Variants in AKT3 observed in about 807,000 individuals in gnomAD.
The protein encoded by AKT3 is AKT serine/threonine kinase 3.
A neutral mutation model predicts 65.3 loss-of-function variants in AKT3; 15 were observed. That is an observed-to-expected ratio of 0.23 (90% CI 0.15 to 0.35). The LOEUF is 0.35. AKT3 is among the 10% of genes least tolerant of loss of function. The pLI is 1.00. For missense variants in AKT3, 243 were observed against 576.5 expected, an observed-to-expected ratio of 0.42 and a Z score of 5.92; for synonymous variants, 206 against 183.8, an observed-to-expected ratio of 1.12 and a Z score of -0.98.
chr1:243,620,937 T>C (rs1399072846), intron 6 of AKT3, among the ~76,000 whole-genome samples: 1 of 152,108 alleles, frequency 6.6e-6, no homozygotes, highest in Non-Finnish European at 1.5e-5. Flanking sequence ...TCTACCCTCT[T>C]AACTCTATAT....
intron 12 of AKT3, among the ~76,000 whole-genome samples, chr1:243,529,989 T>C (rs1388691162): frequency 6.6e-6 from 1 of 152,218 alleles, no homozygotes; most frequent in African/African-American, 2.4e-5. Context: ...CAGTGTTATG[T>C]AGTTCTCATT....
chr1:243,584,168 G>A (rs1409554577), intron 8 of AKT3, among the ~76,000 whole-genome samples: 1 of 151,958 alleles, frequency 6.6e-6, no homozygotes, highest in Non-Finnish European at 1.5e-5. Flanking sequence ...AATACGAAAG[G>A]TCCTCAGAGG....
At chr1:243,651,959 A>G (rs1235516017) in intron 4 of AKT3, among the ~76,000 whole-genome samples, 4 of 152,172 alleles carry the variant, frequency 2.6e-5, no homozygotes, top group African/African-American at 9.7e-5. Flanking sequence ...AGGGAAGCTC[A>G]TCAGACTAAC....
chr1:243,725,015 C>G (rs763420957), intron 2 of AKT3, among the ~76,000 whole-genome samples: 56 of 148,038 alleles, frequency 3.8e-4, no homozygotes, highest in Non-Finnish European at 4.3e-4. Flanking sequence ...CCAGCCTCGG[C>G]AACATAGCAA....
At chr1:243,628,082 G>C (rs1679314727) in intron 6 of AKT3, among the ~76,000 whole-genome samples, 1 of 152,198 alleles carries the variant, frequency 6.6e-6, no homozygotes, top group African/African-American at 2.4e-5. Flanking sequence ...AGAAAGTATA[G>C]AACACATCAT....
At chr1:243,796,776 A>G (rs530983973) in intron 2 of AKT3, among the ~76,000 whole-genome samples, 1 of 152,214 alleles carries the variant, frequency 6.6e-6, no homozygotes, top group South Asian at 2.1e-4. Flanking sequence ...TGGTACATCC[A>G]TATTATGGAG....
At chr1:243,609,483 C>A (rs1677704304) in intron 8 of AKT3, among the ~76,000 whole-genome samples, 1 of 152,116 alleles carries the variant, frequency 6.6e-6, no homozygotes, top group African/African-American at 2.4e-5. Context: ...CATGGCCAAA[C>A]CCCGTTTCTA....
intron 5 of AKT3, among the ~76,000 whole-genome samples, chr1:243,645,139 A>G (rs1680707515): frequency 6.6e-6 from 1 of 152,186 alleles, no homozygotes; most frequent in African/African-American, 2.4e-5. Flanking sequence ...CTGTGCTAAT[A>G]CCAAATTTCA....
At chr1:243,774,885 C>T (rs889943782) in intron 2 of AKT3, among the ~76,000 whole-genome samples, 1 of 152,128 alleles carries the variant, frequency 6.6e-6, no homozygotes, top group South Asian at 2.1e-4. Context: ...ATTATTGAGA[C>T]AGGGTCTTGC....
intron 8 of AKT3, among the ~76,000 whole-genome samples, chr1:243,581,384 C>T (rs1675336451): frequency 6.6e-6 from 1 of 152,184 alleles, no homozygotes; most frequent in Admixed American, 6.5e-5. Context: ...CTGCAGTTAG[C>T]TCTTACCTCT....
At chr1:243,538,318 T>C (rs1025707663) in intron 12 of AKT3, among the ~76,000 whole-genome samples, 1 of 146,834 alleles carries the variant, frequency 6.8e-6, no homozygotes, top group Non-Finnish European at 1.5e-5. Context: ...AAGAAGACAA[T>C]AGCAGTGATA....
chr1:243,621,744 T>C (rs1367934391), intron 6 of AKT3, among the ~76,000 whole-genome samples: 1 of 152,182 alleles, frequency 6.6e-6, no homozygotes. Context: ...AACTTCAATG[T>C]AGTGAATGGC....
At chr1:243,512,544 G>A in intron 12 of AKT3, 118 bp from the exon 13 acceptor site, 1 of 655,036 alleles carries the variant, frequency 1.5e-6, no homozygotes, top group Admixed American at 3.4e-5. Flanking sequence ...ACAATGCTGA[G>A]TCGCTGGGTA....
intron 2 of AKT3, among the ~76,000 whole-genome samples, chr1:243,716,142 A>C (rs1686500414): frequency 6.6e-6 from 1 of 152,140 alleles, no homozygotes; most frequent in Non-Finnish European, 1.5e-5. Flanking sequence ...TTTAAGAAGA[A>C]TTCTTCTTCA....
intron 8 of AKT3, chr1:243,612,874 A>G (rs1430456521): frequency 6.6e-6 from 1 of 151,580 alleles, no homozygotes; most frequent in African/African-American, 2.4e-5. Flanking sequence ...CCCCATCTCT[A>G]CTAAAAATAC....
At chr1:243,494,322 A>G (rs184981089) in intron 13 of AKT3, among the ~76,000 whole-genome samples, 6 of 152,328 alleles carry the variant, frequency 3.9e-5, no homozygotes, top group Admixed American at 3.3e-4. Context: ...TGACTCTGTT[A>G]AAGTTTGCCC....
chr1:243,591,687 AG>A, intron 8 of AKT3, among the ~76,000 whole-genome samples: 1 of 152,290 alleles, frequency 6.6e-6, no homozygotes, highest in South Asian at 2.1e-4. Context: ...AAAGTTCAAA[AG>A]GTAGAGGGAA....
intron 2 of AKT3, among the ~76,000 whole-genome samples, chr1:243,724,646 C>T (rs1474247100): frequency 9.9e-5 from 15 of 152,100 alleles, no homozygotes; most frequent in Admixed American, 9.8e-4. Flanking sequence ...GTTCTAATTT[C>T]ATTTTCTGGA....
chr1:243,511,293 G>A (rs1669996914), intron 13 of AKT3, among the ~76,000 whole-genome samples: 1 of 152,140 alleles, frequency 6.6e-6, no homozygotes, highest in Admixed American at 6.6e-5. Flanking sequence ...TTCACTTTCA[G>A]GGTGTTCACA....
Sources: gnomAD v4.1 joint callset for allele counts (sites outside exome capture counted in the v4.1 genomes callset) on GRCh38, gnomAD v4.1.1 for gene constraint, MANE v1.5 for transcripts, NCBI Gene and HGNC (gene_info 2026-07-23, HGNC 2026-07-21) for gene names.